The following NLGN1 variants were observed in gnomAD, a reference collection of about 807,000 sequenced individuals.
NLGN1 encodes the protein neuroligin 1.
In NLGN1, 12 loss-of-function variants were observed where a neutral mutation model predicts 65.5. That is an observed-to-expected ratio of 0.18 (90% CI 0.12 to 0.30). The LOEUF (loss-of-function observed/expected upper bound fraction) is 0.30, where lower values mean the gene tolerates loss of function less well. Ranked by LOEUF, NLGN1 falls within the 10% of genes least tolerant of loss-of-function variation. NLGN1 has a pLI of 1.00. For synonymous variants in NLGN1, 350 were observed against 359.5 expected (o/e 0.97, Z 0.30); for missense variants, 750 against 1,007.1 (o/e 0.74, Z 3.46).
At chr3:173,835,051 C>A (rs1723342459) in intron 4 of NLGN1, among the ~76,000 whole-genome samples, 1 of 152,158 alleles carries the variant, frequency 6.6e-6, no homozygotes. Flanking sequence ...AACTAATAAT[C>A]CCTCTAAATG....
intron 2 of NLGN1, among the ~76,000 whole-genome samples, chr3:173,547,704 G>A (rs1035470187): frequency 6.6e-6 from 1 of 152,080 alleles, no homozygotes; most frequent in Admixed American, 6.6e-5. Context: ...ATTGGGATGA[G>A]AATAAAGTAC....
chr3:173,813,923 C>T (rs566342758), intron 4 of NLGN1, among the ~76,000 whole-genome samples: 5 of 152,282 alleles, frequency 3.3e-5, no homozygotes, highest in Admixed American at 2.0e-4. Context: ...TGATAGTCTT[C>T]GTGTCATTAT....
intron 4 of NLGN1, among the ~76,000 whole-genome samples, chr3:174,253,584 T>G (rs1745148045): frequency 6.6e-6 from 1 of 152,194 alleles, no homozygotes; most frequent in African/African-American, 2.4e-5. Flanking sequence ...GACAGTGACT[T>G]CAAGCAGGAA....
At chr3:173,629,806 G>A (rs1168406831) in intron 3 of NLGN1, among the ~76,000 whole-genome samples, 1 of 152,000 alleles carries the variant, frequency 6.6e-6, no homozygotes, top group Admixed American at 6.6e-5. Flanking sequence ...AGACACGACT[G>A]TGTTAAAACA....
At chr3:173,505,073 G>A (rs1731778741) in intron 2 of NLGN1, among the ~76,000 whole-genome samples, 1 of 151,186 alleles carries the variant, frequency 6.6e-6, no homozygotes, top group South Asian at 2.1e-4. Flanking sequence ...ACACACACAT[G>A]GACTCCTTCA....
At chr3:173,736,303 G>A (rs936762992) in intron 3 of NLGN1, among the ~76,000 whole-genome samples, 1 of 152,016 alleles carries the variant, frequency 6.6e-6, no homozygotes, top group Non-Finnish European at 1.5e-5. Flanking sequence ...CTGTGCGTAA[G>A]AAAGGAGGAA....
intron 3 of NLGN1, among the ~76,000 whole-genome samples, chr3:173,611,917 T>G (rs1287929446): frequency 6.6e-6 from 1 of 152,076 alleles, no homozygotes; most frequent in Non-Finnish European, 1.5e-5. Flanking sequence ...ACTGCTATCC[T>G]TTCTCCTACC....
chr3:173,941,937 A>G (rs910553936), intron 4 of NLGN1, among the ~76,000 whole-genome samples: 4 of 151,934 alleles, frequency 2.6e-5, no homozygotes, highest in Non-Finnish European at 5.9e-5. Flanking sequence ...CATCCTGCTT[A>G]TGAAGAAGTG....
intron 4 of NLGN1, among the ~76,000 whole-genome samples, chr3:173,808,729 C>G (rs542467184): frequency 6.6e-6 from 1 of 152,012 alleles, no homozygotes; most frequent in African/African-American, 2.4e-5. Context: ...AAGTCTTATC[C>G]CATACTATAG....
At chr3:173,919,953 A>G (rs1741624550) in intron 4 of NLGN1, among the ~76,000 whole-genome samples, 1 of 152,112 alleles carries the variant, frequency 6.6e-6, no homozygotes, top group Non-Finnish European at 1.5e-5. Context: ...TTTGTACTTA[A>G]TTTAATCAAA....
At chr3:173,585,679 T>C (rs1209561892) in intron 2 of NLGN1, among the ~76,000 whole-genome samples, 1 of 152,204 alleles carries the variant, frequency 6.6e-6, no homozygotes, top group Non-Finnish European at 1.5e-5. Context: ...AGGAAGACGT[T>C]GCAGGCTTTT....
At chr3:174,212,384 G>A (rs1736852412) in intron 4 of NLGN1, among the ~76,000 whole-genome samples, 1 of 152,220 alleles carries the variant, frequency 6.6e-6, no homozygotes, top group South Asian at 2.1e-4. Flanking sequence ...CTGAGGGAGT[G>A]GGCTCCAGCC....
At chr3:173,895,684 A>G (rs1348880475) in intron 4 of NLGN1, among the ~76,000 whole-genome samples, 1 of 151,602 alleles carries the variant, frequency 6.6e-6, no homozygotes, top group African/African-American at 2.4e-5. Flanking sequence ...GCAGCTTCCA[A>G]GGACCCTTTT....
chr3:173,408,191 T>G (rs1454589323), intron 1 of NLGN1, among the ~76,000 whole-genome samples: 1 of 152,304 alleles, frequency 6.6e-6, no homozygotes, highest in East Asian at 1.9e-4. Context: ...CTAGAAACGT[T>G]CTGCCTCACA....
chr3:174,258,036 G>A (rs1245316102), intron 4 of NLGN1, among the ~76,000 whole-genome samples: 2 of 151,576 alleles, frequency 1.3e-5, no homozygotes, highest in Non-Finnish European at 2.9e-5. Flanking sequence ...AATTATATAT[G>A]AGAAGACCAT....
At chr3:173,482,975 A>T (rs1727547644) in intron 2 of NLGN1, among the ~76,000 whole-genome samples, 1 of 151,928 alleles carries the variant, frequency 6.6e-6, no homozygotes. Flanking sequence ...TGTGTTATAG[A>T]TCTCGTAATC....
At chr3:173,555,119 G>T (rs77084533) in intron 2 of NLGN1, among the ~76,000 whole-genome samples, 2 of 152,054 alleles carry the variant, frequency 1.3e-5, no homozygotes, top group Non-Finnish European at 2.9e-5. Context: ...ATGTATTGTT[G>T]ATTTCTTAAT....
chr3:173,543,740 T>C (rs1338038251), intron 2 of NLGN1, among the ~76,000 whole-genome samples: 1 of 152,162 alleles, frequency 6.6e-6, no homozygotes, highest in Non-Finnish European at 1.5e-5. Context: ...TATTGAACTC[T>C]AAATCTGTGC....
chr3:173,637,814 G>A (rs1287976892), intron 3 of NLGN1, among the ~76,000 whole-genome samples: 3 of 152,108 alleles, frequency 2.0e-5, no homozygotes, highest in Non-Finnish European at 2.9e-5. Context: ...TCATCCTAGC[G>A]TGCCATAGGT....
Sources: gnomAD v4.1 joint callset for allele counts (sites outside exome capture counted in the v4.1 genomes callset) on GRCh38, gnomAD v4.1.1 for gene constraint, MANE v1.5 for transcripts, NCBI Gene and HGNC (gene_info 2026-07-23, HGNC 2026-07-21) for gene names.